EMC3: variants seen among roughly 807,000 people sequenced by gnomAD.
The protein encoded by EMC3 is 30 kDa protein.
EMC3 carries 13 observed loss-of-function variants against 36.6 expected under a neutral mutation model. The observed-to-expected ratio is 0.35, with a 90% CI of 0.23 to 0.56. The LOEUF (loss-of-function observed/expected upper bound fraction) is 0.56, where lower values mean the gene tolerates loss of function less well. EMC3 is among the 20% of genes least tolerant of loss of function. The probability of loss-of-function intolerance (pLI) is 0.84; values close to 1 mark genes in which losing one functional copy is unlikely to be tolerated. For synonymous variants in EMC3, 120 were observed against 111.9 expected, an observed-to-expected ratio of 1.07 and a Z score of -0.46; for missense variants, 220 against 324.5, an observed-to-expected ratio of 0.68 and a Z score of 2.47.
intron 1 of EMC3, among the ~76,000 whole-genome samples, chr3:10,002,098 T>C (rs535185760): frequency 6.6e-6 from 1 of 152,260 alleles, no homozygotes; most frequent in East Asian, 1.9e-4. Context: ...TGAAATTCCA[T>C]GTGAATTTTG....
intron 1 of EMC3, chr3:10,007,607 A>G (rs375128520): frequency 1.5e-6 from 2 of 1,367,322 alleles, no homozygotes; most frequent in African/African-American, 3.0e-5. Flanking sequence ...GGTTGATGGC[A>G]AGACACAGCA....
chr3:10,000,819 A>G, intron 1 of EMC3: 2 of 492,752 alleles, frequency 4.1e-6, no homozygotes, highest in Non-Finnish European at 8.2e-6. Context: ...AGAATCCAAC[A>G]GCCTGACCTG....
At chr3:10,010,447 G>A (rs2124945700) in intron 1 of EMC3, 1 of 151,556 alleles carries the variant, frequency 6.6e-6, no homozygotes, top group African/African-American at 2.4e-5. Context: ...CATCCCTTTT[G>A]TCAATCTAGT....
At position 9,963,450 on chromosome 3, in the gene EMC3, GATAGATATATAT is replaced by G. The variant is rs1441578372; in HGVS notation, c.*607_*618del. 9.0e-5 allele frequency: 7 copies of G among 77,678 alleles called. No individual in the cohort carries two copies. The highest frequency in any genetic ancestry group is 1.5e-4 in the Non-Finnish European group (6 of 40,610). The allele number at this position is 77,678 out of a possible 1,614,324, so 4.8% of individuals were successfully genotyped here. ...CCTTCGAAGACTGGGCTTCTGCTAA[GATAGATATATAT>G]ATATATATATATATATTTTTTTTTT... On this transcript the variant is annotated 3_prime_UTR_variant, in exon 8 of 8. Coordinates refer to ENST00000245046, the MANE Select transcript of EMC3 (RefSeq NM_001394674.1).
intron 7 of EMC3, chr3:9,969,456 G>A (rs949055957): frequency 4.4e-6 from 6 of 1,352,712 alleles, no homozygotes; most frequent in East Asian, 6.3e-5. Context: ...TGGCACCTCC[G>A]ATTGGATTAT....
chr3:9,962,682 GAAGAGAA>G lies in EMC3; in HGVS notation c.*1380_*1386del. ...CAGAGGCAACACTTTCACAGGCAAAGAAGAGAAAACAGGACGGTTTAATTTGTGGAGT... is the reference window on the plus strand; with the variant it reads ...CAGAGGCAACACTTTCACAGGCAAAGAACAGGACGGTTTAATTTGTGGAGT... On this transcript the variant is annotated 3_prime_UTR_variant, in exon 8 of 8. Coordinates refer to ENST00000245046, the MANE Select transcript of EMC3 (RefSeq NM_001394674.1). 1 of 152,774 alleles carries G rather than the reference GAAGAGAA, an allele frequency of 6.5e-6. No individual in the cohort carries two copies. The highest frequency in any genetic ancestry group is 2.1e-4 in the South Asian group (1 of 4,826). The allele number at this position is 152,774 out of a possible 1,614,324, so 9.5% of individuals were successfully genotyped here. A position where few individuals can be genotyped will look rare whatever the true frequency, so the allele number is the denominator to read the frequency against.
intron 1 of EMC3, chr3:10,008,781 T>A: frequency 3.9e-6 from 1 of 256,758 alleles, no homozygotes; most frequent in Admixed American, 5.2e-5. Flanking sequence ...GTTTTACACC[T>A]GTCACCCCTA....
chr3:9,969,591 GT>G (rs754209193), intron 7 of EMC3, 127 bp downstream of exon 7: 1 of 1,542,736 alleles, frequency 6.5e-7, no homozygotes, highest in Non-Finnish European at 8.7e-7. Context: ...TGTAAACTAT[GT>G]TTTTACTAAG....
intron 1 of EMC3, chr3:9,992,937 G>A (rs2086072419): frequency 1.9e-6 from 3 of 1,611,978 alleles, no homozygotes; most frequent in Non-Finnish European, 2.5e-6. Flanking sequence ...CATTGAAAGG[G>A]TGCTAAGAAA....
At chr3:10,008,354 G>A (rs1315063476) in intron 1 of EMC3, 2 of 1,333,444 alleles carry the variant, frequency 1.5e-6, no homozygotes, top group African/African-American at 1.5e-5. Context: ...AGGGGCTCCA[G>A]GCACCAGGGC....
chr3:9,973,474 G>A (rs1187809942), intron 5 of EMC3, 154 bp downstream of exon 5: 11 of 643,354 alleles, frequency 1.7e-5, no homozygotes, highest in African/African-American at 3.6e-5. Flanking sequence ...GATTACAGTC[G>A]TGAGCCACTG....
chr3:9,974,573 T>C (rs1208660053), intron 3 of EMC3, 85 bp from the exon 4 acceptor site: 11 of 944,974 alleles, frequency 1.2e-5, no homozygotes, highest in Non-Finnish European at 1.5e-5. Context: ...AACTGTTTTT[T>C]TTTGAGACGG....
intron 7 of EMC3, 25 bp from the exon 8 acceptor site, chr3:9,964,222 C>T (rs1256517946): frequency 6.2e-7 from 1 of 1,611,332 alleles, no homozygotes; most frequent in Middle Eastern, 1.6e-4. Flanking sequence ...AACACCCAGG[C>T]AGGAAGAGAG....
In EMC3 at chr3:9,963,477, A is replaced by ATATATATATATATTTTTTTTTTTTTTTT. The variant is rs61596273; in HGVS notation, c.*591_*592insAAAAAAAAAAAAAAAATATATATATATA. The ATATATATATATATTTTTTTTTTTTTTTT allele has an allele frequency of 1.1e-5, 1 of 88,908 alleles. No individual in the cohort carries two copies. The highest frequency in any genetic ancestry group is 4.7e-5 in the African/African-American group (1 of 21,352). 5.5% of individuals were successfully genotyped at this position (88,908 alleles called of 1,614,324 possible). On this transcript the variant is annotated 3_prime_UTR_variant, in exon 8 of 8. Coordinates refer to ENST00000245046, the MANE Select transcript of EMC3 (RefSeq NM_001394674.1). ...TAGATATATATATATATATATATAT[A>ATATATATATATATTTTTTTTTTTTTTTT]TTTTTTTTTTTTTTTCAGATGGAGT...
intron 1 of EMC3, chr3:10,007,737 A>C (rs990923335): frequency 1.9e-6 from 2 of 1,062,362 alleles, no homozygotes; most frequent in African/African-American, 3.3e-5. Flanking sequence ...GATGCCCATC[A>C]GCACCCATCA....
chr3:9,966,309 G>A (rs1455787293), intron 7 of EMC3, among the ~76,000 whole-genome samples: 11 of 149,442 alleles, frequency 7.4e-5, no homozygotes, highest in Admixed American at 5.4e-4. Flanking sequence ...TGCAACCTCC[G>A]CCTCCCAGGT....
At chr3:9,985,016 G>A (rs2085954785) in intron 1 of EMC3, among the ~76,000 whole-genome samples, 2 of 152,158 alleles carry the variant, frequency 1.3e-5, no homozygotes, top group African/African-American at 4.8e-5. Flanking sequence ...AGAGTAAATG[G>A]TTATTATTCT....
upstream of EMC3, chr3:9,988,035 C>A: frequency 1.4e-6 from 1 of 723,490 alleles, no homozygotes; most frequent in Non-Finnish European, 2.5e-6. Flanking sequence ...AATTGCCACC[C>A]TTTTCCTCAC....
intron 1 of EMC3, among the ~76,000 whole-genome samples, chr3:9,996,379 AGGC>A: frequency 6.6e-6 from 1 of 152,290 alleles, no homozygotes; most frequent in African/African-American, 2.4e-5. Context: ...CAGGGAGTTG[AGGC>A]TACAGTGAGC....
Sources: gnomAD v4.1 joint callset for allele counts (sites outside exome capture counted in the v4.1 genomes callset) on GRCh38, gnomAD v4.1.1 for gene constraint, MANE v1.5 for transcripts, NCBI Gene and HGNC (gene_info 2026-07-23, HGNC 2026-07-21) for gene names.